The following PTK2B variants were observed in gnomAD, a reference collection of about 807,000 sequenced individuals.
PTK2B encodes protein-tyrosine kinase 2-beta.
PTK2B carries 71 observed loss-of-function variants against 142.9 expected under a neutral mutation model. That is an observed-to-expected ratio of 0.50 (90% CI 0.41 to 0.61). The LOEUF is 0.61. Among genes scored for constraint, PTK2B ranks in the 20% least tolerant of loss-of-function variants. PTK2B has a pLI of 0.00. For missense variants in PTK2B, 1,105 were observed against 1,320.4 expected, an observed-to-expected ratio of 0.84 and a Z score of 2.53; for synonymous variants, 519 against 503.4, an observed-to-expected ratio of 1.03 and a Z score of -0.42.
intron 26 of PTK2B, 49 bp from the exon 27 acceptor site, chr8:27,451,436 T>C (rs1221560575): frequency 1.2e-6 from 2 of 1,611,532 alleles, no homozygotes; most frequent in South Asian, 1.1e-5. Context: ...GGGGGTTGTC[T>C]CCACAGCCGC....
chr8:27,440,169 C>A, intron 20 of PTK2B, 68 bp from the exon 21 acceptor site: 1 of 1,498,888 alleles, frequency 6.7e-7, no homozygotes. Flanking sequence ...GTGCTAATGG[C>A]GATGGTGCTT....
At chr8:27,361,068 C>G (rs192515720) in intron 1 of PTK2B, among the ~76,000 whole-genome samples, 2 of 152,086 alleles carry the variant, frequency 1.3e-5, no homozygotes, top group Non-Finnish European at 2.9e-5. Context: ...AACCATCACC[C>G]GAATACTGTT....
intron 1 of PTK2B, among the ~76,000 whole-genome samples, chr8:27,383,852 A>ATTTTTTTTTTT (rs749255419): frequency 3.4e-5 from 4 of 116,598 alleles, no homozygotes; most frequent in African/African-American, 6.1e-5. Context: ...CACCTGGCTA[A>ATTTTTTTTTTT]TTTTTTTTTT....
Position 27,458,683 on chromosome 8 carries a change from T to C in PTK2B, c.*174T>C. On this transcript the variant is annotated 3_prime_UTR_variant, in exon 31 of 31. Transcript: ENST00000346049. ...CTACCCCTGGCTGTACTGCTCAGGC[T>C]GCAGCTGGACAGAGGGGACTCTGGG... 3.0e-6 allele frequency: 2 copies of C among 659,624 alleles called. No homozygotes were observed. Among genetic ancestry groups the C allele is most frequent in the Non-Finnish European group, 5.2e-6 (2 of 386,252 alleles). The allele number at this position is 659,624 out of a possible 1,614,324, so 40.9% of individuals were successfully genotyped here. A position where few individuals can be genotyped will look rare whatever the true frequency, so the allele number is the denominator to read the frequency against.
chr8:27,415,433 A>G (rs919482299), intron 2 of PTK2B, among the ~76,000 whole-genome samples: 1 of 152,244 alleles, frequency 6.6e-6, no homozygotes, highest in Non-Finnish European at 1.5e-5. Context: ...TTCAAAAATG[A>G]TGGGATAGCT....
upstream of PTK2B, among the ~76,000 whole-genome samples, chr8:27,325,163 C>CG (rs1055522443): frequency 5.3e-5 from 8 of 152,302 alleles, no homozygotes; most frequent in African/African-American, 1.7e-4. Flanking sequence ...TCTCCCACTG[C>CG]GGGGGGTCTT....
At chr8:27,388,803 C>G (rs1379147357) in intron 1 of PTK2B, among the ~76,000 whole-genome samples, 1 of 152,232 alleles carries the variant, frequency 6.6e-6, no homozygotes, top group Non-Finnish European at 1.5e-5. Flanking sequence ...CACTTATTCT[C>G]GCTGCCCCTG....
chr8:27,388,080 A>G (rs1437579825), intron 1 of PTK2B, among the ~76,000 whole-genome samples: 1 of 152,248 alleles, frequency 6.6e-6, no homozygotes, highest in Admixed American at 6.5e-5. Context: ...TAATGCAGAC[A>G]TTTGATTAGC....
intron 1 of PTK2B, among the ~76,000 whole-genome samples, chr8:27,379,889 C>T (rs570654296): frequency 6.6e-4 from 101 of 152,264 alleles, no homozygotes; most frequent in Middle Eastern, 3.4e-3. Context: ...TATAGGCTCC[C>T]GTCACCATGC....
chr8:27,340,305 G>A (rs1447886893), intron 1 of PTK2B, among the ~76,000 whole-genome samples: 2 of 152,240 alleles, frequency 1.3e-5, no homozygotes, highest in African/African-American at 2.4e-5. Context: ...CCCAAAAGGT[G>A]GTGCTGGGAA....
intron 3 of PTK2B, among the ~76,000 whole-genome samples, chr8:27,319,936 G>A (rs1005011829): frequency 6.6e-6 from 1 of 152,184 alleles, no homozygotes; most frequent in Non-Finnish European, 1.5e-5. Context: ...GATGCTGGAT[G>A]TGCAGGAGTT....
At chr8:27,400,704 T>C (rs1025845981) in intron 2 of PTK2B, among the ~76,000 whole-genome samples, 1 of 152,312 alleles carries the variant, frequency 6.6e-6, no homozygotes, top group African/African-American at 2.4e-5. Context: ...GTACTATTCA[T>C]TGAGATCCAG....
chr8:27,334,341 C>T (rs1258882806), intron 1 of PTK2B, among the ~76,000 whole-genome samples: 1 of 152,160 alleles, frequency 6.6e-6, no homozygotes, highest in African/African-American at 2.4e-5. Flanking sequence ...TTTCCCCATA[C>T]CCAAATGAAG....
rs1259386536 is a variant in PTK2B at position 27,355,035 on chromosome 8, T to G, written c.-38+29354T>G. On this transcript the variant is annotated intron_variant, in intron 1 of 30. Coordinates refer to ENST00000346049, the MANE Select transcript of PTK2B (RefSeq NM_173176.3). The stretch of plus-strand genomic sequence containing the variant: ...TGCCTCTTAACTCCCCAGACTATAC[T>G]TTGTTCTTATTCAAAAGGAGCATTA... Among the ~76,000 whole-genome samples, 4 of 152,372 alleles carry G rather than the reference T, an allele frequency of 2.6e-5. No individual in the cohort carries two copies. In the South Asian group the frequency reaches 6.2e-4, roughly 24 times the overall value.
At chr8:27,337,216 A>G (rs192622049) in intron 1 of PTK2B, among the ~76,000 whole-genome samples, 1 of 149,778 alleles carries the variant, frequency 6.7e-6, no homozygotes, top group African/African-American at 2.5e-5. Flanking sequence ...GCTCACTGCA[A>G]CCTCTCCCTC....
rs1563310964 is a variant in PTK2B at position 27,458,436 on chromosome 8, A to G, written c.2957A>G (p.Asp986Gly). ...ACGGCTTCACACACCCTGGCTGTGG[A>G]CGCCAAGAACCTGCTCGACGCTGTG... ...MLTASHTLAV[D>G]AKNLLDAVDQ... The change falls in exon 31 of 31, where the codon GAC (aspartate) becomes GGC (glycine). Residue 986 changes from aspartate (D) to glycine (G), a missense_variant. Asp to Gly is a moderately conservative substitution (Grantham distance 94). Coordinates refer to ENST00000346049, the MANE Select transcript of PTK2B (RefSeq NM_173176.3). 2 of 1,610,174 alleles carry G rather than the reference A, an allele frequency of 1.2e-6. No homozygotes were observed. The highest frequency in any genetic ancestry group is 1.7e-6 in the Non-Finnish European group (2 of 1,178,224).
chr8:27,449,187 C>G (rs1229603972), intron 24 of PTK2B, among the ~76,000 whole-genome samples: 1 of 152,196 alleles, frequency 6.6e-6, no homozygotes, highest in East Asian at 1.9e-4. Context: ...TTTACTTAAC[C>G]CCACGAGAAT....
intron 1 of PTK2B, among the ~76,000 whole-genome samples, chr8:27,341,442 G>T (rs1804394342): frequency 6.6e-6 from 1 of 152,178 alleles, no homozygotes; most frequent in African/African-American, 2.4e-5. Context: ...GTGGAAATGA[G>T]GGGCATCAGA....
At chr8:27,324,085 G>A (rs1347973615), upstream of PTK2B, among the ~76,000 whole-genome samples, 1 of 152,102 alleles carries the variant, frequency 6.6e-6, no homozygotes, top group African/African-American at 2.4e-5. Flanking sequence ...AATACGGAGG[G>A]GACACCCACT....
Sources: gnomAD v4.1 joint callset for allele counts (sites outside exome capture counted in the v4.1 genomes callset) on GRCh38, gnomAD v4.1.1 for gene constraint, MANE v1.5 for transcripts, NCBI Gene and HGNC (gene_info 2026-07-23, HGNC 2026-07-21) for gene names.